Variants in DROSHA observed in about 807,000 individuals in gnomAD.
DROSHA encodes the protein drosha ribonuclease III, also known as ribonuclease 3.
DROSHA carries 56 observed loss-of-function variants against 181.9 expected under a neutral mutation model. The ratio of observed to expected loss-of-function variants is 0.31; its 90% CI spans 0.25 to 0.38. The LOEUF (loss-of-function observed/expected upper bound fraction) is 0.38, where lower values mean the gene tolerates loss of function less well. Among genes scored for constraint, DROSHA ranks in the 10% least tolerant of loss-of-function variants. The pLI is 1.00. For missense variants in DROSHA, 1,218 were observed against 1,743.5 expected, an observed-to-expected ratio of 0.70 and a Z score of 5.37; for synonymous variants, 524 against 591.2, an observed-to-expected ratio of 0.89 and a Z score of 1.65.
chr5:31,502,912 A>T (rs2150049195), intron 11 of DROSHA, among the ~76,000 whole-genome samples: 2 of 152,320 alleles, frequency 1.3e-5, no homozygotes, highest in South Asian at 4.1e-4. Context: ...GCCTGAAGTT[A>T]GAATATAGAT....
chr5:31,452,510 T>A (rs1322569121), intron 20 of DROSHA, among the ~76,000 whole-genome samples: 1 of 152,144 alleles, frequency 6.6e-6, no homozygotes. Flanking sequence ...TAATACTATT[T>A]CGCAAGAACA....
At chr5:31,513,898 AG>A (rs1292443263) in intron 8 of DROSHA, among the ~76,000 whole-genome samples, 2 of 152,204 alleles carry the variant, frequency 1.3e-5, no homozygotes, top group African/African-American at 4.8e-5. Context: ...CATAACGCCT[AG>A]GGGGAAGAGG....
chr5:31,524,000 A>C (rs1210679614), intron 5 of DROSHA, among the ~76,000 whole-genome samples: 2 of 140,472 alleles, frequency 1.4e-5, no homozygotes, highest in African/African-American at 5.0e-5. Flanking sequence ...AAAAAACAAC[A>C]AAAAAAAAAC....
chr5:31,489,876 T>TTTTTTC (rs371960539), intron 13 of DROSHA, among the ~76,000 whole-genome samples: 3 of 151,858 alleles, frequency 2.0e-5, no homozygotes, highest in Middle Eastern at 3.4e-3. Context: ...ACCTTACATT[T>TTTTTTC]TTTTTCTTTT....
chr5:31,500,151 C>A (rs1753424397), intron 11 of DROSHA, among the ~76,000 whole-genome samples: 1 of 152,174 alleles, frequency 6.6e-6, no homozygotes, highest in African/African-American at 2.4e-5. Context: ...CAACACTATC[C>A]CCCTTCACAC....
At chr5:31,477,273 A>G (rs926904663) in intron 16 of DROSHA, among the ~76,000 whole-genome samples, 3 of 152,154 alleles carry the variant, frequency 2.0e-5, no homozygotes, top group Non-Finnish European at 4.4e-5. Flanking sequence ...GAGAATCTGT[A>G]TTAAGAATAT....
At chr5:31,460,308 C>A (rs1748264683) in intron 20 of DROSHA, among the ~76,000 whole-genome samples, 1 of 152,178 alleles carries the variant, frequency 6.6e-6, no homozygotes, top group Non-Finnish European at 1.5e-5. Context: ...ATTCGGTTCA[C>A]ATATAATTAC....
chr5:31,445,780 T>C (rs1337653830), intron 23 of DROSHA, among the ~76,000 whole-genome samples: 1 of 152,178 alleles, frequency 6.6e-6, no homozygotes, highest in East Asian at 1.9e-4. Flanking sequence ...GAGACCTTCT[T>C]TACTCTGATA....
intron 25 of DROSHA, among the ~76,000 whole-genome samples, chr5:31,432,790 A>G (rs751764745): frequency 5.3e-5 from 8 of 152,124 alleles, no homozygotes; most frequent in Non-Finnish European, 4.4e-5. Flanking sequence ...TATCTTACTC[A>G]TAGTTTTCCT....
In DROSHA at chr5:31,514,523, T is replaced by C; in HGVS notation, c.1290+465A>G. Among the ~76,000 whole-genome samples the C allele has an allele frequency of 6.6e-6, 1 of 151,900 alleles. No individual in the cohort carries two copies. The highest frequency in any genetic ancestry group is 1.5e-5 in the Non-Finnish European group (1 of 67,992). Reference sequence around the variant, plus strand: ...GCCAGTCATGGTGGCACGTGCCCCGTAGTTCCAGCTACTCAGGAGGCTGAA... The same window carrying C: ...GCCAGTCATGGTGGCACGTGCCCCGCAGTTCCAGCTACTCAGGAGGCTGAA... On this transcript the variant is annotated intron_variant, in intron 8 of 35. Coordinates refer to ENST00000344624, the MANE Select transcript of DROSHA (RefSeq NM_001382508.1). The surrounding 1 kb of genome is among the most constrained non-coding windows in gnomAD (Gnocchi z 4.4).
At chr5:31,410,505 A>T (rs1741179076) in intron 31 of DROSHA, among the ~76,000 whole-genome samples, 1 of 152,200 alleles carries the variant, frequency 6.6e-6, no homozygotes, top group Non-Finnish European at 1.5e-5. Flanking sequence ...GAGTGTTAGG[A>T]TGGAGGGGTA....
chr5:31,428,808 C>T (rs111314653), intron 27 of DROSHA, among the ~76,000 whole-genome samples: 58 of 152,208 alleles, frequency 3.8e-4, no homozygotes, highest in African/African-American at 1.4e-3. Context: ...GAGTTGCTTC[C>T]CCCTTTAAAT....
rs932859288 is a variant in DROSHA, at chr5:31,530,566, G to T, written c.-47+232C>A. Among the ~76,000 whole-genome samples, 4 of 146,620 alleles carry T rather than the reference G, an allele frequency of 2.7e-5. No homozygotes were observed. The East Asian group carries it at 8.1e-4, about 30-fold the overall frequency. ...CTAAAATCTCCCACCCTAGGCAGAG[G>T]TTGCAGTGAGTTCAGATCGCGCCAT... On this transcript the variant is annotated intron_variant, in intron 3 of 35. Coordinates refer to ENST00000344624, the MANE Select transcript of DROSHA (RefSeq NM_001382508.1).
intron 5 of DROSHA, among the ~76,000 whole-genome samples, chr5:31,524,330 G>A (rs1740273087): frequency 1.3e-5 from 2 of 152,212 alleles, no homozygotes; most frequent in African/African-American, 4.8e-5. Context: ...TGTGGAAACA[G>A]ATGTGAACTG....
At chr5:31,466,419 T>A in intron 18 of DROSHA, 138 bp from the exon 19 acceptor site, 1 of 715,782 alleles carries the variant, frequency 1.4e-6, no homozygotes, top group Admixed American at 2.5e-5. Context: ...AAGCCATCAT[T>A]CTAAGGAAGG....
intron 35 of DROSHA, among the ~76,000 whole-genome samples, chr5:31,404,370 A>C (rs1394494674): frequency 2.0e-5 from 3 of 152,180 alleles, no homozygotes; most frequent in African/African-American, 7.2e-5. Flanking sequence ...CTCAGTGAAG[A>C]ATCCATGGAT....
Position 31,504,766 on chromosome 5 carries a change from G to T in DROSHA, c.1588-131C>A, listed in dbSNP as rs1346492668. 5.8e-6 allele frequency: 5 copies of T among 858,218 alleles called. No individual in the cohort carries two copies. The African/African-American group carries it at 6.7e-5, about 12-fold the overall frequency. 53.2% of individuals were successfully genotyped at this position (858,218 alleles called of 1,614,324 possible). A position where few individuals can be genotyped will look rare whatever the true frequency, so the allele number is the denominator to read the frequency against. Reference sequence around the variant, plus strand: ...CTCTGAGAGGCTGTCACGGTTAGAAGATTAAACGGATGTTCCAAAACCAAT... The same window carrying T: ...CTCTGAGAGGCTGTCACGGTTAGAATATTAAACGGATGTTCCAAAACCAAT... On this transcript the variant is annotated intron_variant, in intron 10 of 35. Transcript: ENST00000344624.
intron 23 of DROSHA, among the ~76,000 whole-genome samples, chr5:31,441,932 T>C (rs143115623): frequency 6.6e-6 from 1 of 152,298 alleles, no homozygotes; most frequent in East Asian, 1.9e-4. Flanking sequence ...CAAACCATAT[T>C]TGGATGTCTA....
chr5:31,510,986 T>C, intron 9 of DROSHA, 49 bp downstream of exon 9: 1 of 1,587,582 alleles, frequency 6.3e-7, no homozygotes. Context: ...AATTTAGGAA[T>C]GAAGCTATAA....
Sources: gnomAD v4.1 joint callset for allele counts (sites outside exome capture counted in the v4.1 genomes callset) on GRCh38, gnomAD v4.1.1 for gene constraint, Gnocchi (gnomAD v3.1) non-coding constraint, MANE v1.5 for transcripts, NCBI Gene and HGNC (gene_info 2026-07-23, HGNC 2026-07-21) for gene names.